Variants in ADAM12 observed in about 807,000 individuals in gnomAD.
The protein encoded by ADAM12 is disintegrin and metalloproteinase domain-containing protein 12.
In ADAM12, 70 loss-of-function variants were observed where a neutral mutation model predicts 106.4. The observed-to-expected ratio is 0.66, with a 90% confidence interval of 0.54 to 0.80. The LOEUF (loss-of-function observed/expected upper bound fraction) is 0.80, where lower values mean the gene tolerates loss of function less well. ADAM12 is among the 30% of genes least tolerant of loss of function. ADAM12 has a pLI of 0.00. For missense variants in ADAM12, 1,010 were observed against 1,171.9 expected (o/e 0.86, Z 2.02); for synonymous variants, 420 against 433.5 (o/e 0.97, Z 0.39).
intron 4 of ADAM12, among the ~76,000 whole-genome samples, chr10:126,136,354 C>T (rs1050374684): frequency 1.3e-5 from 2 of 152,172 alleles, no homozygotes; most frequent in Non-Finnish European, 2.9e-5. Context: ...TATCATCGAG[C>T]AAAGGTTATG....
intron 3 of ADAM12, among the ~76,000 whole-genome samples, chr10:126,217,925 A>G (rs1958017816): frequency 6.6e-6 from 1 of 151,656 alleles, no homozygotes; most frequent in Non-Finnish European, 1.5e-5. Flanking sequence ...TAGTGAGCCA[A>G]GATCACGTCA....
chr10:126,309,039 C>T (rs950309386), intron 2 of ADAM12, among the ~76,000 whole-genome samples: 5 of 152,168 alleles, frequency 3.3e-5, no homozygotes, highest in Admixed American at 6.5e-5. Flanking sequence ...TGGGGAACCA[C>T]GGTTCTCCCA....
At position 126,065,037 on chromosome 10, in the gene ADAM12, G is replaced by A. The variant is rs187112919; in HGVS notation, c.1414-36C>T. 910 of 1,571,292 alleles carry A rather than the reference G, an allele frequency of 5.8e-4. 2 individuals carry two copies. Among genetic ancestry groups the A allele is most frequent in the Admixed American group, 4.6e-3 (257 of 55,270 alleles). On this transcript the variant is annotated intron_variant, in intron 13 of 22. Transcript: ENST00000448723. ...AGGGCCATTTATGACACATGCACCC[G>A]GGGAAAGGGAGAGGCAGCTCTCAGC...
At chr10:126,331,437 G>C (rs1854508503) in intron 1 of ADAM12, among the ~76,000 whole-genome samples, 1 of 152,168 alleles carries the variant, frequency 6.6e-6, no homozygotes, top group Non-Finnish European at 1.5e-5. Context: ...GGCACAAATG[G>C]TATTGAAATT....
chr10:126,053,451 C>T lies in ADAM12; in HGVS notation c.1610-3782G>A, dbSNP rs1295503026. ...CGCAGAAGCATGGTACACGCCCCAG[C>T]AGAAGGCCACCTGGCATTTCAGGAG... On this transcript the variant is annotated intron_variant, in intron 14 of 22. Transcript: ENST00000448723. The surrounding 1 kb of genome is among the most constrained non-coding windows in gnomAD (Gnocchi z 4.6). Among the ~76,000 whole-genome samples, 1 of 152,122 alleles carries T rather than the reference C, an allele frequency of 6.6e-6. No homozygotes were observed. Among genetic ancestry groups the T allele is most frequent in the East Asian group, 1.9e-4 (1 of 5,182 alleles).
intron 3 of ADAM12, among the ~76,000 whole-genome samples, chr10:126,267,551 T>C (rs1172378231): frequency 6.6e-6 from 1 of 152,088 alleles, no homozygotes; most frequent in Non-Finnish European, 1.5e-5. Flanking sequence ...ATCCCTCCCA[T>C]GCACAGTTCA....
chr10:126,046,801 C>CAA lies in ADAM12; in HGVS notation c.1918-671_1918-670dup, dbSNP rs60056450. ...CTGGCGACAGAGAGAGATTCCGTCT[C>CAA]AAAAAAAAAAAAAAAAAAAAAAAAA... On this transcript the variant is annotated intron_variant, in intron 16 of 22. Transcript: ENST00000448723. Among the ~76,000 whole-genome samples, 173 of 49,860 alleles carry CAA rather than the reference C, an allele frequency of 3.5e-3. 3 individuals carry two copies. Among genetic ancestry groups the CAA allele is most frequent in the East Asian group, 0.013 (12 of 954 alleles). The allele number at this position is 49,860 out of a possible 152,430, so 32.7% of individuals were successfully genotyped here.
intron 3 of ADAM12, 69 bp downstream of exon 3, chr10:126,278,846 C>A: frequency 8.3e-7 from 1 of 1,208,718 alleles, no homozygotes; most frequent in Non-Finnish European, 1.2e-6. Flanking sequence ...CAACATAAAT[C>A]ACAGAGCACT....
At chr10:126,188,975 C>T (rs896330480) in intron 3 of ADAM12, among the ~76,000 whole-genome samples, 1 of 152,186 alleles carries the variant, frequency 6.6e-6, no homozygotes, top group African/African-American at 2.4e-5. Context: ...CACCATCCAT[C>T]TATCCATTCA....
chr10:126,038,182 T>C, intron 20 of ADAM12, 59 bp downstream of exon 20: 1 of 1,416,704 alleles, frequency 7.1e-7, no homozygotes, highest in Non-Finnish European at 9.8e-7. Context: ...TTCAGTCTCG[T>C]ATTGAAAACC....
intron 11 of ADAM12, among the ~76,000 whole-genome samples, chr10:126,080,972 A>G (rs1169765753): frequency 6.6e-6 from 1 of 152,184 alleles, no homozygotes; most frequent in Non-Finnish European, 1.5e-5. Flanking sequence ...CAATTTATCA[A>G]CCTCGACAGT....
intron 2 of ADAM12, among the ~76,000 whole-genome samples, chr10:126,303,894 G>C (rs983686195): frequency 6.6e-6 from 1 of 152,176 alleles, no homozygotes; most frequent in Non-Finnish European, 1.5e-5. Flanking sequence ...TTCTCCCACT[G>C]TGGTATACTA....
chr10:126,296,608 T>A (rs1195067175), intron 2 of ADAM12, among the ~76,000 whole-genome samples: 1 of 152,182 alleles, frequency 6.6e-6, no homozygotes, highest in East Asian at 1.9e-4. Flanking sequence ...TGGAAGCATG[T>A]CACAGACTTC....
At chr10:126,138,823 C>CTTTTT (rs4019596) in intron 4 of ADAM12, among the ~76,000 whole-genome samples, 31,975 of 149,168 alleles carry the variant, frequency 0.21, 5,166 homozygotes, top group African/African-American at 0.45. Flanking sequence ...ATATCTTTTT[C>CTTTTT]TTTTTAAGAG....
At chr10:126,274,233 A>C (rs1277157713) in intron 3 of ADAM12, among the ~76,000 whole-genome samples, 1 of 152,202 alleles carries the variant, frequency 6.6e-6, no homozygotes, top group African/African-American at 2.4e-5. Context: ...GGAAATGAGA[A>C]TGAAGTGGCA....
At chr10:126,206,768 CAGGG>C (rs1957802338) in intron 3 of ADAM12, among the ~76,000 whole-genome samples, 1 of 142,190 alleles carries the variant, frequency 7.0e-6, no homozygotes, top group South Asian at 2.2e-4. Context: ...TCTCTGCAGG[CAGGG>C]AGGAAGGAAA....
intron 14 of ADAM12, among the ~76,000 whole-genome samples, chr10:126,056,171 C>T (rs1954626597): frequency 6.6e-6 from 1 of 152,186 alleles, no homozygotes; most frequent in African/African-American, 2.4e-5. Flanking sequence ...CGGTCACCTT[C>T]TAAGAGTTTC....
chr10:126,289,328 G>A (rs573946419), intron 2 of ADAM12, among the ~76,000 whole-genome samples: 3 of 152,384 alleles, frequency 2.0e-5, no homozygotes, highest in African/African-American at 4.8e-5. Context: ...CAGATGCCAA[G>A]GCGGGGAGGC....
chr10:126,341,873 T>A (rs1475587360), intron 1 of ADAM12, among the ~76,000 whole-genome samples: 1 of 152,234 alleles, frequency 6.6e-6, no homozygotes, highest in Non-Finnish European at 1.5e-5. Flanking sequence ...AGGTTAACTC[T>A]TAAATGCCTT....
Sources: gnomAD v4.1 joint callset for allele counts (sites outside exome capture counted in the v4.1 genomes callset) on GRCh38, gnomAD v4.1.1 for gene constraint, Gnocchi (gnomAD v3.1) non-coding constraint, MANE v1.5 for transcripts, NCBI Gene and HGNC (gene_info 2026-07-23, HGNC 2026-07-21) for gene names.